Variants in CHN2 observed in about 807,000 individuals in gnomAD.
CHN2 encodes chimerin 2.
A neutral mutation model predicts 56.3 loss-of-function variants in CHN2; 35 were observed. The ratio of observed to expected loss-of-function variants is 0.62; its 90% CI spans 0.47 to 0.82. CHN2 has a LOEUF of 0.82. Ranked by LOEUF, CHN2 falls within the 40% of genes least tolerant of loss-of-function variation. CHN2 has a pLI of 0.00. For synonymous variants in CHN2, 210 were observed against 212.8 expected, an observed-to-expected ratio of 0.99 and a Z score of 0.12; for missense variants, 491 against 580.5, an observed-to-expected ratio of 0.85 and a Z score of 1.58.
At position 29,166,279 on chromosome 7, in the gene CHN2, C is replaced by G. The variant is rs1261272773; in HGVS notation, c.274+19319C>G. Among the ~76,000 whole-genome samples, 3 of 152,280 alleles carry G rather than the reference C, an allele frequency of 2.0e-5. No individual in the cohort carries two copies. In the East Asian group the frequency reaches 5.8e-4, roughly 29 times the overall value. ...AAACTCCTGGCCTCAATCCTCCCAT[C>G]TCAACCTCTCAGAATGCTGGGATTA... On this transcript the variant is annotated intron_variant, in intron 2 of 6. Coordinates refer to the CHN2 transcript ENST00000439384.
At chr7:29,294,015 C>T (rs908225138) in intron 1 of CHN2, among the ~76,000 whole-genome samples, 8 of 152,010 alleles carry the variant, frequency 5.3e-5, no homozygotes, top group Middle Eastern at 3.4e-3. Context: ...TACAGGCGCC[C>T]GCCACCACGC....
chr7:29,267,830 C>T (rs1790273799), intron 1 of CHN2, among the ~76,000 whole-genome samples: 1 of 152,170 alleles, frequency 6.6e-6, no homozygotes, highest in African/African-American at 2.4e-5. Flanking sequence ...GAGCTAGGAT[C>T]ATTCAAGCTG....
chr7:29,283,405 T>C (rs957862943), intron 1 of CHN2, among the ~76,000 whole-genome samples: 1 of 152,142 alleles, frequency 6.6e-6, no homozygotes, highest in Non-Finnish European at 1.5e-5. Flanking sequence ...GTATACACGA[T>C]CTGTAGAATC....
intron 6 of CHN2, among the ~76,000 whole-genome samples, chr7:29,466,353 T>C (rs1585494275): frequency 6.6e-6 from 1 of 152,244 alleles, no homozygotes; most frequent in Non-Finnish European, 1.5e-5. Context: ...ATCTATGTTA[T>C]ATGAACATGA....
At chr7:29,388,933 T>A (rs560503640) in intron 3 of CHN2, among the ~76,000 whole-genome samples, 37 of 152,328 alleles carry the variant, frequency 2.4e-4, no homozygotes, top group African/African-American at 8.9e-4. Flanking sequence ...GATGTAACTA[T>A]AAAGTCATAA....
At chr7:29,147,114 CA>C (rs2128682734) in intron 2 of CHN2, 3 of 1,042,150 alleles carry the variant, frequency 2.9e-6, no homozygotes, top group South Asian at 1.6e-5. Flanking sequence ...TCCAGGGTCA[CA>C]TTGCTTGTAA....
intron 1 of CHN2, among the ~76,000 whole-genome samples, chr7:29,311,647 TC>T (rs1227723372): frequency 1.3e-5 from 2 of 152,224 alleles, no homozygotes; most frequent in African/African-American, 2.4e-5. Flanking sequence ...TTCTCATATT[TC>T]TAAGGTCTTT....
chr7:29,323,289 CAG>C (rs1301499720), intron 1 of CHN2, among the ~76,000 whole-genome samples: 1 of 152,140 alleles, frequency 6.6e-6, no homozygotes, highest in African/African-American at 2.4e-5. Context: ...CCTGCTCACT[CAG>C]AGACATTGCT....
In CHN2 at chr7:29,389,564, A is replaced by G. The variant is rs146322253; in HGVS notation, c.145-4115A>G. 1.3e-3 allele frequency among the ~76,000 whole-genome samples: 197 copies of G among 152,180 alleles called. 1 individual carries two copies. The highest frequency in any genetic ancestry group is 4.4e-3 in the African/African-American group (182 of 41,508). Reference sequence around the variant, plus strand: ...TTTCTGTTTTGAATGACCAGTCCACACTGGTCATTTTGAGAAGTGTACCTT... The same window carrying G: ...TTTCTGTTTTGAATGACCAGTCCACGCTGGTCATTTTGAGAAGTGTACCTT... On this transcript the variant is annotated intron_variant, in intron 3 of 12. Transcript: ENST00000222792.
At chr7:29,399,678 GGC>G (rs1802044715) in intron 5 of CHN2, among the ~76,000 whole-genome samples, 1 of 152,146 alleles carries the variant, frequency 6.6e-6, no homozygotes, top group South Asian at 2.1e-4. Context: ...GCCCTTCCCA[GGC>G]CCACAATGGT....
At chr7:29,436,948 T>TAAA (rs1783270599) in intron 6 of CHN2, among the ~76,000 whole-genome samples, 1 of 136,966 alleles carries the variant, frequency 7.3e-6, no homozygotes. Flanking sequence ...TTAAAATTAA[T>TAAA]AATAATAATA....
intron 1 of CHN2, among the ~76,000 whole-genome samples, chr7:29,323,627 G>A (rs1291884218): frequency 1.3e-5 from 2 of 152,120 alleles, no homozygotes; most frequent in Admixed American, 6.5e-5. Context: ...CTGAGTTAGG[G>A]GTTTTTCAAA....
At chr7:29,463,687 T>C (rs747686169) in intron 6 of CHN2, among the ~76,000 whole-genome samples, 15 of 152,202 alleles carry the variant, frequency 9.9e-5, no homozygotes, top group Non-Finnish European at 2.1e-4. Context: ...CTTTAGACTC[T>C]CTGGCACCAG....
At position 29,475,654 on chromosome 7, in the gene CHN2, A is replaced by C. The variant is rs528062115; in HGVS notation, c.577-4625A>C. Among the ~76,000 whole-genome samples, 13 of 152,380 alleles carry C rather than the reference A, an allele frequency of 8.5e-5. 1 individual carries two copies. Among genetic ancestry groups the C allele is most frequent in the African/African-American group, 3.1e-4 (13 of 41,600 alleles). On this transcript the variant is annotated intron_variant, in intron 6 of 12. Transcript: ENST00000222792. ...CTGATAAATGGAAATGAAGTGTGGT[A>C]TATCCATACAATGGATTGTTATTCA... is the stretch of plus-strand genomic sequence containing the variant.
chr7:29,186,987 G>C (rs1798792834), intron 2 of CHN2, among the ~76,000 whole-genome samples: 1 of 152,140 alleles, frequency 6.6e-6, no homozygotes, highest in African/African-American at 2.4e-5. Context: ...TGGAAAATGA[G>C]GATAACAATT....
chr7:29,194,297 T>G (rs1458704354), upstream of CHN2: 1 of 146,844 alleles, frequency 6.8e-6, no homozygotes, highest in African/African-American at 2.5e-5. Context: ...GGGGACCCGG[T>G]CCCCCGTCCC....
Position 29,240,864 on chromosome 7 carries a change from TCTTCTTC to T in CHN2, c.49+45896_49+45902del, listed in dbSNP as rs547619658. Among the ~76,000 whole-genome samples the T allele has an allele frequency of 9.8e-3, 1,484 of 152,030 alleles. 26 individuals carry two copies. Among genetic ancestry groups the T allele is most frequent in the African/African-American group, 0.031 (1,302 of 41,416 alleles). ...CGTCTTCATCTTCTTCTTTCTTCTTTCTTCTTCCTTCTTCCTTCTTCCTTCTTCTTCC... is the reference window on the plus strand; with the variant it reads ...CGTCTTCATCTTCTTCTTTCTTCTTTCTTCTTCCTTCTTCCTTCTTCTTCC... On this transcript the variant is annotated intron_variant, in intron 1 of 12. Transcript: ENST00000222792.
intron 2 of CHN2, among the ~76,000 whole-genome samples, chr7:29,160,833 T>G (rs1795073518): frequency 6.6e-6 from 1 of 152,232 alleles, no homozygotes. Context: ...TTTATCACAT[T>G]CAAATGATAA....
intron 1 of CHN2, among the ~76,000 whole-genome samples, chr7:29,217,632 G>C (rs557342838): frequency 6.6e-6 from 1 of 152,160 alleles, no homozygotes; most frequent in Non-Finnish European, 1.5e-5. Context: ...TGGGATATAG[G>C]TTATAGAATG....
Sources: gnomAD v4.1 joint callset for allele counts (sites outside exome capture counted in the v4.1 genomes callset) on GRCh38, gnomAD v4.1.1 for gene constraint, MANE v1.5 for transcripts, NCBI Gene and HGNC (gene_info 2026-07-23, HGNC 2026-07-21) for gene names.